The following ETS1 variants were observed in gnomAD, a reference collection of about 807,000 sequenced individuals.
ETS1 encodes ETS proto-oncogene 1, transcription factor.
A neutral mutation model predicts 58.6 loss-of-function variants in ETS1; 15 were observed. The ratio of observed to expected loss-of-function variants is 0.26; its 90% confidence interval spans 0.17 to 0.39. ETS1 has a LOEUF of 0.39. ETS1 is among the 10% of genes least tolerant of loss of function. The probability of loss-of-function intolerance (pLI) is 1.00; values close to 1 mark genes in which losing one functional copy is unlikely to be tolerated. For missense variants in ETS1, 417 were observed against 610.5 expected (o/e 0.68, Z 3.34); for synonymous variants, 214 against 218.2 (o/e 0.98, Z 0.17).
intron 3 of ETS1, among the ~76,000 whole-genome samples, chr11:128,531,875 AC>A (rs1271529999): frequency 6.6e-6 from 1 of 152,134 alleles, no homozygotes. Context: ...CCCCCATAGC[AC>A]TCTGCCTAGG....
intron 3 of ETS1, among the ~76,000 whole-genome samples, chr11:128,506,298 A>T (rs576231907): frequency 1.9e-4 from 29 of 152,072 alleles, no homozygotes; most frequent in Admixed American, 3.3e-4. Flanking sequence ...ATCTCAATTT[A>T]AAAAAAAGTA....
intron 2 of ETS1, among the ~76,000 whole-genome samples, chr11:128,571,224 C>A (rs377257656): frequency 6.6e-6 from 1 of 151,222 alleles, no homozygotes; most frequent in African/African-American, 2.4e-5. Flanking sequence ...GTCAGGAGAT[C>A]GAGACCACGG....
At chr11:128,585,908 A>T (rs1865022281) in intron 1 of ETS1, among the ~76,000 whole-genome samples, 1 of 152,134 alleles carries the variant, frequency 6.6e-6, no homozygotes, top group Non-Finnish European at 1.5e-5. Context: ...TTTGAACTCC[A>T]TTATCGTCCG....
chr11:128,512,519 G>A (rs554961319), intron 3 of ETS1, among the ~76,000 whole-genome samples: 29 of 152,180 alleles, frequency 1.9e-4, no homozygotes, highest in African/African-American at 6.0e-4. Flanking sequence ...CCCCATGTGC[G>A]GGCACCGCTC....
At chr11:128,516,321 A>G (rs1233958940) in intron 3 of ETS1, among the ~76,000 whole-genome samples, 3 of 152,230 alleles carry the variant, frequency 2.0e-5, no homozygotes, top group Non-Finnish European at 4.4e-5. Context: ...CCTAACCCTG[A>G]GTTAAGAACA....
intron 8 of ETS1, among the ~76,000 whole-genome samples, chr11:128,472,678 C>G (rs1327718316): frequency 6.6e-6 from 1 of 152,164 alleles, no homozygotes; most frequent in African/African-American, 2.4e-5. Flanking sequence ...GCAGGTCCAC[C>G]CCTGTGAGAC....
chr11:128,525,619 GAAAAAA>G (rs10554000), intron 3 of ETS1, among the ~76,000 whole-genome samples: 4 of 75,818 alleles, frequency 5.3e-5, no homozygotes, highest in African/African-American at 1.5e-4. Context: ...GTAAGATTTA[GAAAAAA>G]AAAAAAAAAA....
chr11:128,535,822 G>A (rs1230509018), intron 3 of ETS1, among the ~76,000 whole-genome samples: 16 of 152,220 alleles, frequency 1.1e-4, no homozygotes, highest in Non-Finnish European at 4.4e-5. Flanking sequence ...CAGATAGAAA[G>A]AGAAATTAAG....
At chr11:128,481,247 G>A (rs61909096) in intron 7 of ETS1, among the ~76,000 whole-genome samples, 1 of 151,968 alleles carries the variant, frequency 6.6e-6, no homozygotes, top group Admixed American at 6.5e-5. Flanking sequence ...AAGAGTTAAG[G>A]TCCACAGCAG....
At chr11:128,517,017 C>G (rs1358526423) in intron 3 of ETS1, among the ~76,000 whole-genome samples, 1 of 152,178 alleles carries the variant, frequency 6.6e-6, no homozygotes, top group Non-Finnish European at 1.5e-5. Context: ...ATATGGAAGA[C>G]GTTGCAAAAA....
At position 128,544,338 on chromosome 11, in the gene ETS1, C is replaced by CT. The variant is rs1555085663; in HGVS notation, c.214+11952dup. Among the ~76,000 whole-genome samples the CT allele has an allele frequency of 2.6e-4, 19 of 72,008 alleles. No individual in the cohort carries two copies. The South Asian group carries it at 6.3e-3, about 24-fold the overall frequency. The allele number at this position is 72,008 out of a possible 152,430, so 47.2% of individuals were successfully genotyped here. The stretch of plus-strand genomic sequence containing the variant: ...AGATGAAAAAGTGATTAATTGTTTA[C>CT]TAATATATATATATATATATATATA... On this transcript the variant is annotated intron_variant, in intron 3 of 9. Transcript: ENST00000392668.
At chr11:128,519,409 A>G (rs752968030) in intron 3 of ETS1, among the ~76,000 whole-genome samples, 2 of 152,240 alleles carry the variant, frequency 1.3e-5, no homozygotes, top group African/African-American at 2.4e-5. Flanking sequence ...AAGATCCCAC[A>G]CTAGCTGTCT....
chr11:128,500,107 C>CGG lies in ETS1; in HGVS notation c.215-9533_215-9532dup, dbSNP rs759092786. ...AAGGCTTAGAGAAAGGAAGGAGGAA[C>CGG]GGGGGCTAGGAAGGTGGTGCAGTGG... On this transcript the variant is annotated intron_variant, in intron 3 of 9. Coordinates refer to ENST00000392668, the MANE Select transcript of ETS1 (RefSeq NM_001143820.2). Among the ~76,000 whole-genome samples the CGG allele has an allele frequency of 1.2e-3, 177 of 152,112 alleles. 1 individual carries two copies. Among genetic ancestry groups the CGG allele is most frequent in the Non-Finnish European group, 2.0e-3 (134 of 68,000 alleles).
At chr11:128,500,781 G>A (rs1039040209) in intron 3 of ETS1, among the ~76,000 whole-genome samples, 6 of 152,056 alleles carry the variant, frequency 3.9e-5, no homozygotes, top group African/African-American at 1.2e-4. Context: ...CACAGTATGC[G>A]TGCACACCCT....
At chr11:128,476,895 C>T (rs1862338256) in intron 8 of ETS1, among the ~76,000 whole-genome samples, 1 of 152,262 alleles carries the variant, frequency 6.6e-6, no homozygotes, top group Admixed American at 6.5e-5. Flanking sequence ...AACAGGCAGG[C>T]TTTCAAGCCA....
Position 128,472,039 on chromosome 11 carries a change from T to C in ETS1, c.1123+8152A>G, listed in dbSNP as rs139132887. Among the ~76,000 whole-genome samples, 1,476 of 152,316 alleles carry C rather than the reference T, an allele frequency of 9.7e-3. 20 individuals are homozygous for C. The highest frequency in any genetic ancestry group is 0.038 in the South Asian group (185 of 4,828). ...CCAGCATATAATCTCTGAACACTCCTCAAACGTAGCCAGAGTGTGTTGAAT... is the reference window on the plus strand; with the variant it reads ...CCAGCATATAATCTCTGAACACTCCCCAAACGTAGCCAGAGTGTGTTGAAT... On this transcript the variant is annotated intron_variant, in intron 8 of 9. Coordinates refer to ENST00000392668, the MANE Select transcript of ETS1 (RefSeq NM_001143820.2).
intron 2 of ETS1, 113 bp from the exon 3 acceptor site, chr11:128,556,548 G>T (rs1030228080): frequency 1.5e-6 from 1 of 681,102 alleles, no homozygotes. Flanking sequence ...ATCATCTATA[G>T]ATGATGACAG....
At position 128,462,330 on chromosome 11, in the gene ETS1, C is replaced by T. The variant is rs1408736393; in HGVS notation, c.*31G>A. ...CAACACGGCTGTCCTTGGAAGGTCT[C>T]AGCAGGGTTTCCCCAGCCCCTTCAG... is the stretch of plus-strand genomic sequence containing the variant. On this transcript the variant is annotated 3_prime_UTR_variant, in exon 10 of 10. Coordinates refer to ENST00000392668, the MANE Select transcript of ETS1 (RefSeq NM_001143820.2). 2 of 1,557,422 alleles carry T rather than the reference C, an allele frequency of 1.3e-6. No individual in the cohort carries two copies. Among genetic ancestry groups the T allele is most frequent in the South Asian group, 2.2e-5 (2 of 89,932 alleles).
intron 1 of ETS1, 93 bp from the exon 2 acceptor site, chr11:128,573,237 T>C (rs2135582070): frequency 1.1e-6 from 1 of 894,758 alleles, no homozygotes; most frequent in Non-Finnish European, 1.8e-6. Context: ...GAACTAAAAG[T>C]CTCCTTAGGA....
Sources: allele counts gnomAD v4.1 joint callset (sites outside exome capture counted in the v4.1 genomes callset), GRCh38; gene constraint gnomAD v4.1.1; transcripts MANE v1.5; gene names NCBI Gene and HGNC (gene_info 2026-07-23, HGNC 2026-07-21).